Variants in HCRTR1 observed in about 807,000 individuals in gnomAD.
HCRTR1 encodes the protein hypocretin receptor 1, also known as orexin/Hypocretin receptor type 1.
In HCRTR1, 28 loss-of-function variants were observed where a neutral mutation model predicts 40.6. The observed-to-expected ratio is 0.69, with a 90% confidence interval of 0.51 to 0.95. The LOEUF (loss-of-function observed/expected upper bound fraction) is 0.95. Among genes scored for constraint, HCRTR1 ranks in the 40% least tolerant of loss-of-function variants. The pLI is 0.00. For synonymous variants in HCRTR1, 209 were observed against 230.0 expected (o/e 0.91, Z 0.83); for missense variants, 482 against 564.7 (o/e 0.85, Z 1.48).
At position 31,619,227 on chromosome 1, in the gene HCRTR1, G is replaced by A. The variant is rs766478266; in HGVS notation, c.35G>A (p.Gly12Glu). 1.7e-5 allele frequency: 27 copies of A among 1,613,130 alleles called. 1 individual carries two copies. The South Asian group carries it at 3.0e-4, about 18-fold the overall frequency. Residue 12 changes from glycine to glutamate, a missense_variant, in exon 3 of 9, where the codon GGG (glycine) becomes GAG (glutamate). By Grantham distance (98) the Gly-to-Glu change is moderately conservative. Coordinates refer to ENST00000403528, the MANE Select transcript of HCRTR1 (RefSeq NM_001525.3). ...EPSATPGAQMGVPPGSREPSP... is the reference protein window; with the variant it reads ...EPSATPGAQMEVPPGSREPSP... ...TCAGCCACCCCAGGGGCCCAGATGGGGGTCCCCCCTGGCAGCAGAGAGCCG... is the reference window on the plus strand; with the variant it reads ...TCAGCCACCCCAGGGGCCCAGATGGAGGTCCCCCCTGGCAGCAGAGAGCCG...
rs1372493121 is a variant in HCRTR1 at position 31,621,536 on chromosome 1, C to G, written c.682C>G (p.Leu228Val). The change falls in exon 6 of 9, where the codon CTG becomes GTG. Residue 228 changes from leucine to valine, a missense_variant. Leu to Val is a conservative substitution (Grantham distance 32, BLOSUM62 1). Transcript: ENST00000403528. ...CTTTATTGTCACCTACCTGGCCCCA[C>G]TGGGCCTCATGGCCATGGCCTATTT... Reference protein sequence around the residue: ...CFFIVTYLAPLGLMAMAYFQI... With the variant: ...CFFIVTYLAPVGLMAMAYFQI... 2 of 1,614,128 alleles carry G rather than the reference C, an allele frequency of 1.2e-6. No individual in the cohort carries two copies. The highest frequency in any genetic ancestry group is 4.5e-5 in the East Asian group (2 of 44,888).
Position 31,626,677 on chromosome 1 carries a change from T to TC in HCRTR1, c.1088-109dup. ...CCTCCCAGCTCTATCCCTCCCTCCC[T>TC]CCCCGCCCCCTCATAGGCAGCTTGG... is the stretch of plus-strand genomic sequence containing the variant. On this transcript the variant is annotated intron_variant, in intron 8 of 8. Transcript: ENST00000403528. The surrounding 1 kb of genome is among the most constrained non-coding windows in gnomAD (Gnocchi z 4.6). 3.0e-6 allele frequency: 1 copy of TC among 338,150 alleles called. No homozygotes were observed. 20.9% of individuals were successfully genotyped at this position (338,150 alleles called of 1,614,324 possible).
chr1:31,630,281 T>C (rs764209658), downstream of HCRTR1: 18 of 357,042 alleles, frequency 5.0e-5, 1 homozygote, highest in Middle Eastern at 8.6e-4. Context: ...ACCACTGGCA[T>C]CAGGGTGGAG....
chr1:31,623,485 C>T, intron 6 of HCRTR1, 38 bp from the exon 7 acceptor site: 1 of 1,571,256 alleles, frequency 6.4e-7, no homozygotes, highest in Non-Finnish European at 8.7e-7. Context: ...TCCCAAGGTG[C>T]TGTACCCACC....
downstream of HCRTR1, chr1:31,632,556 G>C: frequency 6.2e-7 from 1 of 1,614,204 alleles, no homozygotes; most frequent in Non-Finnish European, 8.5e-7. Flanking sequence ...GCTGGAAGAG[G>C]TTCTTCCACT....
intron 3 of HCRTR1, 46 bp from the exon 4 acceptor site, chr1:31,619,486 G>C: frequency 1.9e-6 from 3 of 1,613,038 alleles, no homozygotes; most frequent in Non-Finnish European, 2.5e-6. Flanking sequence ...GCAGAACTAG[G>C]ATGGGTGTGG....
chr1:31,631,287 A>C (rs1640096157), downstream of HCRTR1, among the ~76,000 whole-genome samples: 1 of 152,222 alleles, frequency 6.6e-6, no homozygotes, highest in African/African-American at 2.4e-5. Context: ...TCCCTATCTT[A>C]TCATCTCTAA....
At chr1:31,622,565 A>G (rs182712020) in intron 6 of HCRTR1, among the ~76,000 whole-genome samples, 31 of 152,158 alleles carry the variant, frequency 2.0e-4, no homozygotes, top group Admixed American at 2.0e-3. Flanking sequence ...TCCTCATTTG[A>G]CAGATATGAA....
intron 6 of HCRTR1, among the ~76,000 whole-genome samples, chr1:31,622,005 CAAT>C (rs1172608216): frequency 1.3e-5 from 2 of 152,210 alleles, no homozygotes; most frequent in Non-Finnish European, 2.9e-5. Flanking sequence ...ACCACTGCAA[CAAT>C]AATAATAGCA....
At chr1:31,633,999 C>T (rs1640189454), downstream of HCRTR1, among the ~76,000 whole-genome samples, 1 of 151,886 alleles carries the variant, frequency 6.6e-6, no homozygotes, top group Admixed American at 6.6e-5. Context: ...AGTGTAGAAG[C>T]TGGTAAGTCT....
In HCRTR1 at chr1:31,626,856, C is replaced by A; in HGVS notation, c.1154C>A (p.Ser385Tyr). The A allele has an allele frequency of 1.2e-6, 2 of 1,614,116 alleles. No homozygotes were observed. Among genetic ancestry groups the A allele is most frequent in the Non-Finnish European group, 1.7e-6 (2 of 1,180,016 alleles). The stretch of plus-strand genomic sequence containing the variant: ...CTGCCTGGCCTGGGTCCCTGCGGCT[C>A]TCTGAAGGCCCCTAGTCCCCGCTCC... ...CCLPGLGPCG[S>Y]LKAPSPRSSA... Residue 385 changes from serine (S) to tyrosine (Y), a missense_variant, in exon 9 of 9, where the codon TCT (serine) becomes TAT (tyrosine). Physicochemically the swap from Ser to Tyr is moderately radical, Grantham distance 144. Transcript: ENST00000403528. The surrounding 1 kb of genome is among the most constrained non-coding windows in gnomAD (Gnocchi z 4.6).
Position 31,625,254 on chromosome 1 carries a change from T to C in HCRTR1, c.1087+136T>C, listed in dbSNP as rs1345009866. On this transcript the variant is annotated intron_variant, in intron 8 of 8. Coordinates refer to ENST00000403528, the MANE Select transcript of HCRTR1 (RefSeq NM_001525.3). The surrounding 1 kb of genome is among the most constrained non-coding windows in gnomAD (Gnocchi z 4.2). ...TGCTGTGGGCACAGTGATCCTGCTCTGGGAGGACCCACCCCAAGCGGCCCT... is the reference window on the plus strand; with the variant it reads ...TGCTGTGGGCACAGTGATCCTGCTCCGGGAGGACCCACCCCAAGCGGCCCT... 1.4e-5 allele frequency: 16 copies of C among 1,115,748 alleles called. No homozygotes were observed. The highest frequency in any genetic ancestry group is 8.6e-6 in the Non-Finnish European group (7 of 815,840). The allele number at this position is 1,115,748 out of a possible 1,614,324, so 69.1% of individuals were successfully genotyped here. A position where few individuals can be genotyped will look rare whatever the true frequency, so the allele number is the denominator to read the frequency against.
chr1:31,618,582 G>A (rs974043604), intron 1 of HCRTR1, among the ~76,000 whole-genome samples, 174 bp from the exon 2 acceptor site: 2 of 152,176 alleles, frequency 1.3e-5, no homozygotes, highest in African/African-American at 4.8e-5. Flanking sequence ...TTGCAATCGG[G>A]ATGGCTTCTC....
Position 31,621,522 on chromosome 1 carries a change from C to G in HCRTR1, c.668C>G (p.Thr223Ser). 1.2e-6 allele frequency: 2 copies of G among 1,614,134 alleles called. No homozygotes were observed. Among genetic ancestry groups the G allele is most frequent in the Non-Finnish European group, 1.7e-6 (2 of 1,180,002 alleles). Residue 223 changes from threonine (T) to serine (S), a missense_variant, in exon 6 of 9, where the codon ACC becomes AGC. Thr to Ser is a moderately conservative substitution (Grantham distance 58, BLOSUM62 1). Coordinates refer to ENST00000403528, the MANE Select transcript of HCRTR1 (RefSeq NM_001525.3). The stretch of plus-strand genomic sequence containing the variant: ...TACCACAGTTGCTTCTTTATTGTCA[C>G]CTACCTGGCCCCACTGGGCCTCATG... The part of the protein sequence containing the change: ...KIYHSCFFIV[T>S]YLAPLGLMAM...
At chr1:31,621,653 T>A (rs1208534730) in intron 6 of HCRTR1, 61 bp downstream of exon 6, 2 of 1,203,678 alleles carry the variant, frequency 1.7e-6, no homozygotes, top group Non-Finnish European at 2.4e-6. Flanking sequence ...GTGGGAGGGC[T>A]ACTGGTCTAA....
chr1:31,626,835 C>G lies in HCRTR1; in HGVS notation c.1133C>G (p.Pro378Arg). Residue 378 changes from proline (P) to arginine (R), a missense_variant, in exon 9 of 9, where the codon CCT (proline) becomes CGT (arginine). Pro to Arg is a moderately radical substitution (Grantham distance 103). Coordinates refer to ENST00000403528, the MANE Select transcript of HCRTR1 (RefSeq NM_001525.3). This position sits in a 1 kb window ranked among gnomAD's most constrained non-coding sequence, Gnocchi z 4.6. Reference sequence around the variant, plus strand: ...AAGGCTGCCTTCTCCTGCTGCCTGCCTGGCCTGGGTCCCTGCGGCTCTCTG... The same window carrying G: ...AAGGCTGCCTTCTCCTGCTGCCTGCGTGGCCTGGGTCCCTGCGGCTCTCTG... ...QFKAAFSCCL[P>R]GLGPCGSLKA... The G allele has an allele frequency of 6.2e-7, 1 of 1,614,158 alleles. No individual in the cohort carries two copies. The highest frequency in any genetic ancestry group is 8.5e-7 in the Non-Finnish European group (1 of 1,180,032).
At position 31,621,156 on chromosome 1, in the gene HCRTR1, G is replaced by A. The variant is rs1459662974; in HGVS notation, c.622+70G>A. 7.2e-6 allele frequency: 11 copies of A among 1,530,972 alleles called. No individual in the cohort carries two copies. In the East Asian group the frequency reaches 2.5e-4, roughly 35 times the overall value. 94.8% of individuals were successfully genotyped at this position (1,530,972 alleles called of 1,614,324 possible). A position where few individuals can be genotyped will look rare whatever the true frequency, so the allele number is the denominator to read the frequency against. The stretch of plus-strand genomic sequence containing the variant: ...TTGGGAGCACGTACCCCTAGGACAG[G>A]CATCTAGCAGGGTCCCTTCCAAAGT... On this transcript the variant is annotated intron_variant, in intron 5 of 8. Coordinates refer to ENST00000403528, the MANE Select transcript of HCRTR1 (RefSeq NM_001525.3).
intron 7 of HCRTR1, among the ~76,000 whole-genome samples, chr1:31,624,660 T>C (rs566060204): frequency 3.9e-5 from 6 of 152,248 alleles, no homozygotes; most frequent in Non-Finnish European, 7.3e-5. Context: ...CTTCGGCATG[T>C]CACTTTACTT....
At chr1:31,633,098 T>A, downstream of HCRTR1, 1 of 1,547,582 alleles carries the variant, frequency 6.5e-7, no homozygotes, top group Non-Finnish European at 8.8e-7. Flanking sequence ...CCTACCCACC[T>A]ACTGTCCACT....
Sources: gnomAD v4.1 joint callset for allele counts (sites outside exome capture counted in the v4.1 genomes callset) on GRCh38, gnomAD v4.1.1 for gene constraint, Gnocchi (gnomAD v3.1) non-coding constraint, MANE v1.5 for transcripts, NCBI Gene and HGNC (gene_info 2026-07-23, HGNC 2026-07-21) for gene names.